RB1: variants seen among roughly 807,000 people sequenced by gnomAD.
The protein encoded by RB1 is RB transcriptional corepressor 1.
In RB1, 18 loss-of-function variants were observed where a neutral mutation model predicts 135.4. The observed-to-expected ratio is 0.13, with a 90% CI of 0.09 to 0.20. The LOEUF (loss-of-function observed/expected upper bound fraction) is 0.20. Ranked by LOEUF, RB1 falls within the 10% of genes least tolerant of loss-of-function variation. The probability of loss-of-function intolerance (pLI) is 1.00; values close to 1 mark genes in which losing one functional copy is unlikely to be tolerated. For synonymous variants in RB1, 365 were observed against 373.2 expected, an observed-to-expected ratio of 0.98 and a Z score of 0.25; for missense variants, 868 against 1,110.0, an observed-to-expected ratio of 0.78 and a Z score of 3.10.
intron 2 of RB1, among the ~76,000 whole-genome samples, chr13:48,312,283 A>G (rs1952138106): frequency 6.6e-6 from 1 of 152,046 alleles, no homozygotes; most frequent in Non-Finnish European, 1.5e-5. Flanking sequence ...TTAGCTGAAT[A>G]CTTTTTACTT....
At chr13:48,448,414 A>G (rs927258521) in intron 17 of RB1, among the ~76,000 whole-genome samples, 3 of 152,160 alleles carry the variant, frequency 2.0e-5, no homozygotes, top group Non-Finnish European at 4.4e-5. Context: ...TGATGCCTCC[A>G]TAGGAGACAA....
intron 23 of RB1, among the ~76,000 whole-genome samples, chr13:48,467,464 G>A: frequency 4.2e-5 from 1 of 23,746 alleles, no homozygotes; most frequent in Non-Finnish European, 8.9e-5. Flanking sequence ...ATGCCAAAAT[G>A]TAAAGACCAT....
chr13:48,377,741 T>C (rs1952842347), intron 13 of RB1, among the ~76,000 whole-genome samples: 1 of 152,196 alleles, frequency 6.6e-6, no homozygotes, highest in Non-Finnish European at 1.5e-5. Flanking sequence ...AGGGATATGT[T>C]CTGACAAATG....
chr13:48,311,628 A>G (rs902420329), intron 2 of RB1, among the ~76,000 whole-genome samples: 3 of 152,238 alleles, frequency 2.0e-5, no homozygotes, highest in African/African-American at 7.2e-5. Flanking sequence ...GTGTTTTACT[A>G]ATTATTGAGG....
At chr13:48,347,603 T>A (rs527539290) in intron 4 of RB1, among the ~76,000 whole-genome samples, 4 of 152,218 alleles carry the variant, frequency 2.6e-5, no homozygotes, top group Admixed American at 6.5e-5. Flanking sequence ...TTTATACCTT[T>A]TTTTTGAAGA....
chr13:48,453,577 C>A (rs201746755), intron 18 of RB1, among the ~76,000 whole-genome samples: 1 of 152,062 alleles, frequency 6.6e-6, no homozygotes, highest in Non-Finnish European at 1.5e-5. Flanking sequence ...CTGGTGATGA[C>A]GATGGGAAAA....
intron 17 of RB1, among the ~76,000 whole-genome samples, chr13:48,433,844 A>T (rs999140903): frequency 1.3e-5 from 2 of 151,988 alleles, no homozygotes; most frequent in African/African-American, 4.8e-5. Context: ...AGCATATCTT[A>T]CAACTTTTGT....
At chr13:48,461,863 T>G (rs916370596) in intron 20 of RB1, among the ~76,000 whole-genome samples, 6 of 152,292 alleles carry the variant, frequency 3.9e-5, no homozygotes, top group African/African-American at 1.4e-4. Flanking sequence ...CACGGAGTCT[T>G]GCTCTGTCGC....
chr13:48,361,521 G>A (rs1435193115), intron 7 of RB1, among the ~76,000 whole-genome samples: 1 of 152,006 alleles, frequency 6.6e-6, no homozygotes, highest in Non-Finnish European at 1.5e-5. Flanking sequence ...ATACATCTCA[G>A]TATATATCTC....
chr13:48,354,106 T>C (rs1406062974), intron 6 of RB1, among the ~76,000 whole-genome samples: 2 of 151,814 alleles, frequency 1.3e-5, no homozygotes, highest in Non-Finnish European at 2.9e-5. Flanking sequence ...AGACAAAAGA[T>C]ATAAAGGGAA....
chr13:48,362,965 A>G lies in RB1; in HGVS notation c.861+8A>G. On this transcript the variant is annotated splice_region_variant and intron_variant, in intron 8 of 26. Coordinates refer to ENST00000267163, the MANE Select transcript of RB1 (RefSeq NM_000321.3). Reference sequence around the variant, plus strand: ...GAATGTAATATAGATGAGGTAATTTAACTTCATGATTTCTTTAAAACAGTT... The same window carrying G: ...GAATGTAATATAGATGAGGTAATTTGACTTCATGATTTCTTTAAAACAGTT... 6.2e-7 allele frequency: 1 copy of G among 1,609,652 alleles called. No homozygotes were observed.
At chr13:48,474,330 G>A (rs1207027426) in intron 24 of RB1, among the ~76,000 whole-genome samples, 1 of 151,978 alleles carries the variant, frequency 6.6e-6, no homozygotes, top group African/African-American at 2.4e-5. Context: ...AAATTAGCTA[G>A]GTACCCACCA....
chr13:48,400,555 C>G (rs1948682775), intron 17 of RB1, among the ~76,000 whole-genome samples: 1 of 152,048 alleles, frequency 6.6e-6, no homozygotes, highest in South Asian at 2.1e-4. Context: ...CAAAAAGGGC[C>G]TAGACTTTGA....
intron 4 of RB1, among the ~76,000 whole-genome samples, chr13:48,346,829 T>C (rs1277204322): frequency 6.6e-6 from 1 of 152,082 alleles, no homozygotes; most frequent in African/African-American, 2.4e-5. Flanking sequence ...AAGTTTTATA[T>C]GAGTAACTTA....
chr13:48,429,307 C>G (rs1285256639), intron 17 of RB1: 1 of 152,216 alleles, frequency 6.6e-6, no homozygotes, highest in Non-Finnish European at 1.5e-5. Flanking sequence ...CCCAGCTACT[C>G]TGTAGGCTGA....
In RB1 at chr13:48,303,758, G is replaced by A. The variant is rs1952049136; in HGVS notation, c.-155G>A. 8.3e-7 allele frequency: 1 copy of A among 1,205,354 alleles called. No homozygotes were observed. The highest frequency in any genetic ancestry group is 1.1e-6 in the Non-Finnish European group (1 of 901,528). The allele number at this position is 1,205,354 out of a possible 1,614,324, so 74.7% of individuals were successfully genotyped here. ...CGGTTGGACGCGGCGCTCAGTTGCCGGGCGGGGGAGGGCGCGTCCGGTTTT... is the reference window on the plus strand; with the variant it reads ...CGGTTGGACGCGGCGCTCAGTTGCCAGGCGGGGGAGGGCGCGTCCGGTTTT... On this transcript the variant is annotated 5_prime_UTR_variant, in exon 1 of 27. Transcript: ENST00000267163.
chr13:48,382,118 C>T (rs1566199947), intron 17 of RB1, among the ~76,000 whole-genome samples: 2 of 152,156 alleles, frequency 1.3e-5, no homozygotes, highest in Non-Finnish European at 2.9e-5. Flanking sequence ...TATTGTTGGA[C>T]ATTTGGGTTG....
chr13:48,337,821 C>T (rs1260291619), intron 2 of RB1, among the ~76,000 whole-genome samples: 3 of 152,074 alleles, frequency 2.0e-5, no homozygotes, highest in African/African-American at 7.2e-5. Context: ...CTGGTACCAG[C>T]TGTTCCTTTC....
intron 24 of RB1, 23 bp downstream of exon 24, chr13:48,473,413 A>C (rs1949484775): frequency 6.6e-7 from 1 of 1,516,118 alleles, no homozygotes; most frequent in South Asian, 1.1e-5. Context: ...TTTCTATGAA[A>C]TATAATAGTA....
Sources: gnomAD v4.1 joint callset for allele counts (sites outside exome capture counted in the v4.1 genomes callset) on GRCh38, gnomAD v4.1.1 for gene constraint, MANE v1.5 for transcripts, NCBI Gene and HGNC (gene_info 2026-07-23, HGNC 2026-07-21) for gene names.